Variants in PFKL observed in about 807,000 individuals in gnomAD.
The protein encoded by PFKL is ATP-dependent 6-phosphofructokinase, liver type.
PFKL carries 74 observed loss-of-function variants against 92.1 expected under a neutral mutation model. That is an observed-to-expected ratio of 0.80 (90% CI 0.67 to 0.97). The LOEUF is 0.97. Ranked by LOEUF, PFKL falls within the 50% of genes least tolerant of loss-of-function variation. The probability of loss-of-function intolerance (pLI) is 0.00; values close to 1 mark genes in which losing one functional copy is unlikely to be tolerated. For missense variants in PFKL, 1,028 were observed against 1,116.6 expected (o/e 0.92, Z 1.13); for synonymous variants, 494 against 456.4 (o/e 1.08, Z -1.05).
chr21:44,313,627 C>T lies in PFKL; in HGVS notation c.594-11C>T. Reference sequence around the variant, plus strand: ...CTGGCACTGATGCATCCTCCTGTTCCATCTCCACAGCCACCAGAGGACCTT... The same window carrying T: ...CTGGCACTGATGCATCCTCCTGTTCTATCTCCACAGCCACCAGAGGACCTT... On this transcript the variant is annotated splice_polypyrimidine_tract_variant and intron_variant, in intron 5 of 21. Coordinates refer to ENST00000349048, the MANE Select transcript of PFKL (RefSeq NM_002626.6). 6.2e-7 allele frequency: 1 copy of T among 1,610,862 alleles called. No homozygotes were observed. Among genetic ancestry groups the T allele is most frequent in the Non-Finnish European group, 8.5e-7 (1 of 1,179,128 alleles).
chr21:44,318,607 G>GT lies in PFKL; in HGVS notation c.1062+12_1062+13insT. The GT allele has an allele frequency of 6.9e-7, 1 of 1,459,106 alleles. No individual in the cohort carries two copies. The highest frequency in any genetic ancestry group is 9.2e-7 in the Non-Finnish European group (1 of 1,091,236). The allele number at this position is 1,459,106 out of a possible 1,614,324, so 90.4% of individuals were successfully genotyped here. On this transcript the variant is annotated intron_variant, in intron 10 of 21. Transcript: ENST00000349048. The stretch of plus-strand genomic sequence containing the variant: ...AGTGCGTGCAGATGGTAAGCCCTGG[G>GT]CCCCCCCCATCAGAACCGCCTGGCC...
rs757792053 is a variant in PFKL at position 44,312,146 on chromosome 21, C to T, written c.279C>T (p.Thr93=). The part of the protein sequence containing the change: ...IIGSARCKAF[T]TREGRRAAAY... ...GCAGCGCTCGCTGCAAGGCCTTTACCACCAGGGAGGGGCGCCGGGCAGCGG... is the reference window on the plus strand; with the variant it reads ...GCAGCGCTCGCTGCAAGGCCTTTACTACCAGGGAGGGGCGCCGGGCAGCGG... Residue 93 remains threonine (T), a synonymous_variant, in exon 4 of 22, where the codon ACC becomes ACT. Transcript: ENST00000349048. 1.3e-5 allele frequency: 20 copies of T among 1,587,926 alleles called. No individual in the cohort carries two copies. Among genetic ancestry groups the T allele is most frequent in the Non-Finnish European group, 1.6e-5 (19 of 1,167,772 alleles).
chr21:44,300,358 C>G (rs927136694), intron 1 of PFKL, among the ~76,000 whole-genome samples, 168 bp downstream of exon 1: 6 of 151,830 alleles, frequency 4.0e-5, no homozygotes, highest in African/African-American at 1.4e-4. Context: ...CCCGCTCTTC[C>G]CCGGCGCGGT....
intron 18 of PFKL, 114 bp from the exon 19 acceptor site, chr21:44,325,039 G>A (rs2047462644): frequency 8.3e-7 from 1 of 1,211,770 alleles, no homozygotes; most frequent in Admixed American, 2.0e-5. Context: ...GTGGGCCAGG[G>A]CGGCTTTCCT....
chr21:44,321,444 C>G (rs185804565), intron 12 of PFKL: 2 of 243,426 alleles, frequency 8.2e-6, no homozygotes, highest in East Asian at 1.5e-4. Flanking sequence ...TGTTCCCGCC[C>G]GCAAGCCTGG....
intron 1 of PFKL, chr21:44,305,718 G>A: frequency 4.0e-6 from 5 of 1,265,528 alleles, no homozygotes; most frequent in African/African-American, 3.1e-5. Flanking sequence ...TTTTGAGATG[G>A]GGGCTCTCGG....
chr21:44,309,923 C>T (rs536293679), intron 2 of PFKL, among the ~76,000 whole-genome samples: 49 of 152,354 alleles, frequency 3.2e-4, no homozygotes, highest in Non-Finnish European at 5.6e-4. Context: ...TCATGCGCCC[C>T]GCAGCGCGCA....
chr21:44,317,783 C>T (rs1035706797), intron 9 of PFKL, among the ~76,000 whole-genome samples: 2 of 152,246 alleles, frequency 1.3e-5, no homozygotes, highest in Non-Finnish European at 2.9e-5. Context: ...GTCTCCGAGG[C>T]TGCTCCCTAA....
chr21:44,303,870 T>C (rs949060328), intron 1 of PFKL, among the ~76,000 whole-genome samples: 7 of 152,138 alleles, frequency 4.6e-5, no homozygotes, highest in Non-Finnish European at 8.8e-5. Flanking sequence ...GCAGGCCCAC[T>C]GTCCTGCCTG....
intron 12 of PFKL, chr21:44,321,188 C>T (rs1361958099): frequency 1.3e-5 from 2 of 152,348 alleles, no homozygotes; most frequent in Admixed American, 1.3e-4. Flanking sequence ...ACGCCAGGTT[C>T]AGAGCCTCAG....
At position 44,326,061 on chromosome 21, in the gene PFKL, G is replaced by A. The variant is rs764140036; in HGVS notation, c.2089+1G>A. 1 of 1,613,316 alleles carries A rather than the reference G, an allele frequency of 6.2e-7. No individual in the cohort carries two copies. Among genetic ancestry groups the A allele is most frequent in the Non-Finnish European group, 8.5e-7 (1 of 1,179,674 alleles). Reference sequence around the variant, plus strand: ...AAGCTGCGCGAGGTTTACCGCAAGGGTAGGTGGTGGGTGCGACCCGAGGCC... The same window carrying A: ...AAGCTGCGCGAGGTTTACCGCAAGGATAGGTGGTGGGTGCGACCCGAGGCC... On this transcript the variant is annotated splice_donor_variant, in intron 20 of 21. Coordinates refer to ENST00000349048, the MANE Select transcript of PFKL (RefSeq NM_002626.6). LOFTEE classifies it high-confidence loss of function.
intron 1 of PFKL, 109 bp downstream of exon 1, chr21:44,300,299 G>A (rs2040733359): frequency 5.4e-6 from 2 of 368,356 alleles, no homozygotes; most frequent in South Asian, 1.1e-4. Flanking sequence ...GGGCCGGCCC[G>A]GCCTCCCGCC....
At chr21:44,310,257 G>T (rs2041077082) in intron 2 of PFKL, among the ~76,000 whole-genome samples, 1 of 152,262 alleles carries the variant, frequency 6.6e-6, no homozygotes, top group African/African-American at 2.4e-5. Context: ...CACGGAGGCT[G>T]TGCAGGTGCC....
chr21:44,304,480 C>G, intron 1 of PFKL: 1 of 1,168,380 alleles, frequency 8.6e-7, no homozygotes, highest in Non-Finnish European at 1.1e-6. Flanking sequence ...GTGGTGGGAC[C>G]AGGTCTGCAG....
At position 44,325,920 on chromosome 21, in the gene PFKL, GC is replaced by G. The variant is rs757440875; in HGVS notation, c.1990-38del. ...ACTGGCGTTGGCCTTGGCCCAGGCA[GC>G]CCAGGGGAGTCCAGGGAACCGGGCC... On this transcript the variant is annotated intron_variant, in intron 19 of 21. Coordinates refer to ENST00000349048, the MANE Select transcript of PFKL (RefSeq NM_002626.6). 6 of 1,516,184 alleles carry G rather than the reference GC, an allele frequency of 4.0e-6. No homozygotes were observed. In the African/African-American group the frequency reaches 5.5e-5, roughly 14 times the overall value. 93.9% of individuals were successfully genotyped at this position (1,516,184 alleles called of 1,614,324 possible). A position where few individuals can be genotyped will look rare whatever the true frequency, so the allele number is the denominator to read the frequency against.
intron 5 of PFKL, 133 bp from the exon 6 acceptor site, chr21:44,313,503 CAG>C: frequency 2.4e-6 from 2 of 825,630 alleles, no homozygotes; most frequent in Non-Finnish European, 3.9e-6. Flanking sequence ...TCTTTTAGCT[CAG>C]AGCCTGGGCA....
intron 2 of PFKL, among the ~76,000 whole-genome samples, chr21:44,308,704 G>A (rs986399282): frequency 6.6e-6 from 1 of 152,002 alleles, no homozygotes; most frequent in African/African-American, 2.4e-5. Flanking sequence ...TGGGATTACA[G>A]GCACCCACCA....
chr21:44,301,872 C>G (rs1157183527), intron 1 of PFKL, among the ~76,000 whole-genome samples: 1 of 152,142 alleles, frequency 6.6e-6, no homozygotes, highest in Non-Finnish European at 1.5e-5. Context: ...CGTGCCCCCC[C>G]CACCCCCTGC....
At chr21:44,301,930 C>T (rs1287344481) in intron 1 of PFKL, among the ~76,000 whole-genome samples, 2 of 152,200 alleles carry the variant, frequency 1.3e-5, no homozygotes, top group Non-Finnish European at 2.9e-5. Context: ...CTGGAGGTTG[C>T]TGAAGGGCCA....
Sources: gnomAD v4.1 joint callset for allele counts (sites outside exome capture counted in the v4.1 genomes callset) on GRCh38, gnomAD v4.1.1 for gene constraint, MANE v1.5 for transcripts, NCBI Gene and HGNC (gene_info 2026-07-23, HGNC 2026-07-21) for gene names.